The following BACE2 variants were observed in gnomAD, a reference collection of about 807,000 sequenced individuals.
BACE2 encodes the protein beta-secretase 2.
In BACE2, 17 loss-of-function variants were observed where a neutral mutation model predicts 46.2. The ratio of observed to expected loss-of-function variants is 0.37; its 90% CI spans 0.25 to 0.55. The LOEUF (loss-of-function observed/expected upper bound fraction) is 0.55. Among genes scored for constraint, BACE2 ranks in the 20% least tolerant of loss-of-function variants. BACE2 has a pLI of 0.82. For missense variants in BACE2, 595 were observed against 698.1 expected (o/e 0.85, Z 1.66); for synonymous variants, 277 against 295.9 (o/e 0.94, Z 0.66).
At chr21:41,248,393 C>T (rs917480256) in intron 6 of BACE2, among the ~76,000 whole-genome samples, 1 of 152,186 alleles carries the variant, frequency 6.6e-6, no homozygotes, top group African/African-American at 2.4e-5. Flanking sequence ...AGGCCAGTCA[C>T]TTGGCCCCTT....
At chr21:41,229,646 C>T (rs1488895928) in intron 2 of BACE2, among the ~76,000 whole-genome samples, 6 of 129,166 alleles carry the variant, frequency 4.6e-5, no homozygotes, top group African/African-American at 2.5e-4. Context: ...GACAACCCAC[C>T]GCATCTTTCT....
intron 1 of BACE2, chr21:41,179,515 G>A: frequency 7.3e-7 from 1 of 1,360,662 alleles, no homozygotes; most frequent in Non-Finnish European, 9.8e-7. Context: ...TGGGGTGAGT[G>A]AGGGTGTCCA....
intron 1 of BACE2, among the ~76,000 whole-genome samples, chr21:41,195,256 A>G (rs992874789): frequency 3.3e-5 from 5 of 152,244 alleles, no homozygotes; most frequent in African/African-American, 1.2e-4. Context: ...CCTATACAGA[A>G]AAAGCTTGCT....
intron 4 of BACE2, 47 bp from the exon 5 acceptor site, chr21:41,243,329 T>G: frequency 2.0e-6 from 3 of 1,498,332 alleles, no homozygotes; most frequent in Non-Finnish European, 2.7e-6. Context: ...CCTGTTGATA[T>G]GTCTGTGTAT....
chr21:41,208,463 G>C (rs896931867), intron 1 of BACE2, among the ~76,000 whole-genome samples: 1 of 152,208 alleles, frequency 6.6e-6, no homozygotes. Context: ...GAAGAGAGGA[G>C]AGAGGACTTC....
In BACE2 at chr21:41,276,772, A is replaced by G. The variant is rs1042901454; in HGVS notation, c.*1148A>G. 5.9e-5 allele frequency: 9 copies of G among 152,238 alleles called. No homozygotes were observed. Among genetic ancestry groups the G allele is most frequent in the African/African-American group, 2.2e-4 (9 of 41,464 alleles). The allele number at this position is 152,238 out of a possible 1,614,324, so 9.4% of individuals were successfully genotyped here. A position where few individuals can be genotyped will look rare whatever the true frequency, so the allele number is the denominator to read the frequency against. ...AACGTCTACTTATCCCCGTGCTTCGAAACCGTGTGTTTCCCTTTGCAGAAC... is the reference window on the plus strand; with the variant it reads ...AACGTCTACTTATCCCCGTGCTTCGGAACCGTGTGTTTCCCTTTGCAGAAC... On this transcript the variant is annotated 3_prime_UTR_variant, in exon 9 of 9. Transcript: ENST00000330333.
intron 8 of BACE2, among the ~76,000 whole-genome samples, chr21:41,267,712 G>A (rs1013968442): frequency 2.0e-5 from 3 of 152,180 alleles, no homozygotes; most frequent in Admixed American, 1.3e-4. Flanking sequence ...CAAAGGTGTA[G>A]ATCAGGCTGC....
In BACE2 at chr21:41,250,860, G is replaced by T. The variant is rs1987617975; in HGVS notation, c.1093G>T (p.Glu365Ter). 5 of 1,614,036 alleles carry T rather than the reference G, an allele frequency of 3.1e-6. No individual in the cohort carries two copies. Among genetic ancestry groups the T allele is most frequent in the Non-Finnish European group, 4.2e-6 (5 of 1,180,004 alleles). Residue 365 changes from glutamate to a stop codon, truncating the protein, a stop_gained, in exon 7 of 9, where the codon GAG (glutamate) becomes TAG (stop). Transcript: ENST00000330333. LOFTEE classifies it high-confidence loss of function. ...FPKISIYLRD[E>*]NSSRSFRITI... ...TAAAATCTCCATCTACCTGAGAGAC[G>T]AGAACTCCAGCAGGTCATTCCGTAT... is the stretch of plus-strand genomic sequence containing the variant.
At chr21:41,253,529 G>T (rs550917437) in intron 7 of BACE2, among the ~76,000 whole-genome samples, 64 of 152,210 alleles carry the variant, frequency 4.2e-4, no homozygotes, top group African/African-American at 1.5e-3. Flanking sequence ...CATCAGTGTG[G>T]TGTGTAATAA....
At position 41,168,210 on chromosome 21, in the gene BACE2, C is replaced by G; in HGVS notation, c.-54C>G. On this transcript the variant is annotated 5_prime_UTR_variant, in exon 1 of 9. Coordinates refer to ENST00000330333, the MANE Select transcript of BACE2 (RefSeq NM_012105.5). ...GGCCGAGTCGCTGAGCCGCGGCTGC[C>G]GGACGGGACGGGACCGGCTAGGCTG... 2.9e-6 allele frequency: 3 copies of G among 1,034,542 alleles called. No homozygotes were observed. Among genetic ancestry groups the G allele is most frequent in the Non-Finnish European group, 2.4e-6 (2 of 847,356 alleles). The allele number at this position is 1,034,542 out of a possible 1,614,324, so 64.1% of individuals were successfully genotyped here. A position where few individuals can be genotyped will look rare whatever the true frequency, so the allele number is the denominator to read the frequency against.
chr21:41,216,594 C>T (rs1915474262), intron 1 of BACE2, among the ~76,000 whole-genome samples: 1 of 152,158 alleles, frequency 6.6e-6, no homozygotes, highest in Non-Finnish European at 1.5e-5. Flanking sequence ...CGGGTCTGGG[C>T]GTGTGAGAAC....
chr21:41,230,806 C>T (rs1274677804), intron 2 of BACE2, among the ~76,000 whole-genome samples: 2 of 151,938 alleles, frequency 1.3e-5, no homozygotes, highest in African/African-American at 4.8e-5. Context: ...GTGAATGTTC[C>T]AATGAGTTAC....
At position 41,257,153 on chromosome 21, in the gene BACE2, A is replaced by G; in HGVS notation, c.1135-5A>G. On this transcript the variant is annotated splice_polypyrimidine_tract_variant and splice_region_variant and intron_variant, in intron 7 of 8. Transcript: ENST00000330333. ...TTTGTTTGCTCTCTCCTCTCCGACA[A>G]ACAGCTTTACATTCAGCCCATGATG... is the stretch of plus-strand genomic sequence containing the variant. The G allele has an allele frequency of 6.2e-7, 1 of 1,614,104 alleles. No individual in the cohort carries two copies. The highest frequency in any genetic ancestry group is 8.5e-7 in the Non-Finnish European group (1 of 1,180,012).
intron 1 of BACE2, among the ~76,000 whole-genome samples, chr21:41,221,358 A>G (rs1720716398): frequency 6.6e-6 from 1 of 152,216 alleles, no homozygotes; most frequent in Non-Finnish European, 1.5e-5. Flanking sequence ...GGAGTCTGAC[A>G]GTTTCTGCCA....
At chr21:41,224,678 A>T (rs991648111) in intron 1 of BACE2, among the ~76,000 whole-genome samples, 8 of 152,234 alleles carry the variant, frequency 5.3e-5, no homozygotes, top group Non-Finnish European at 1.2e-4. Context: ...GACATCGTTC[A>T]CTGGGGAAGA....
chr21:41,168,696 A>C, intron 1 of BACE2, 121 bp downstream of exon 1: 6 of 555,212 alleles, frequency 1.1e-5, no homozygotes, highest in Middle Eastern at 5.8e-4. Context: ...CGCACAGAAG[A>C]GCGGGGAACG....
At chr21:41,190,465 A>G (rs1419951941) in intron 1 of BACE2, among the ~76,000 whole-genome samples, 1 of 152,250 alleles carries the variant, frequency 6.6e-6, no homozygotes, top group Non-Finnish European at 1.5e-5. Context: ...AACATGCACA[A>G]ACATGTTTTT....
In BACE2 at chr21:41,277,941, T is replaced by A. The variant is rs2088508397; in HGVS notation, c.*2317T>A. 6.6e-6 allele frequency: 1 copy of A among 152,196 alleles called. No individual in the cohort carries two copies. The highest frequency in any genetic ancestry group is 6.5e-5 in the Admixed American group (1 of 15,274). The allele number at this position is 152,196 out of a possible 1,614,324, so 9.4% of individuals were successfully genotyped here. ...TTCGCAACAAGAATGAGATAGACAA[T>A]TGAATGTGGGACATTTTTCTGGCAT... On this transcript the variant is annotated 3_prime_UTR_variant, in exon 9 of 9. Coordinates refer to ENST00000330333, the MANE Select transcript of BACE2 (RefSeq NM_012105.5).
chr21:41,269,931 T>C (rs747773753), intron 8 of BACE2, among the ~76,000 whole-genome samples: 2 of 152,242 alleles, frequency 1.3e-5, no homozygotes, highest in Non-Finnish European at 1.5e-5. Context: ...ATTTTCAAAG[T>C]TGGCTTTATC....
Sources: allele counts gnomAD v4.1 joint callset (sites outside exome capture counted in the v4.1 genomes callset), GRCh38; gene constraint gnomAD v4.1.1; transcripts MANE v1.5; gene names NCBI Gene and HGNC (gene_info 2026-07-23, HGNC 2026-07-21).